The following SUMF1 variants were observed in gnomAD, a reference collection of about 807,000 sequenced individuals.
The protein encoded by SUMF1 is sulfatase modifying factor 1, also known as formylglycine-generating enzyme.
Under a neutral mutation model 47.6 loss-of-function variants are expected in SUMF1, and 48 were observed. That is an observed-to-expected ratio of 1.01 (90% CI 0.80 to 1.28). The LOEUF (loss-of-function observed/expected upper bound fraction) is 1.28, where lower values mean the gene tolerates loss of function less well. Ranked by LOEUF, SUMF1 falls within the 50% of genes most tolerant of loss-of-function variation. The pLI is 0.00. For synonymous variants in SUMF1, 230 were observed against 192.1 expected (o/e 1.20, Z -1.63); for missense variants, 571 against 485.4 (o/e 1.18, Z -1.66).
intron 8 of SUMF1, among the ~76,000 whole-genome samples, chr3:4,368,719 C>T (rs1700069131): frequency 6.6e-6 from 1 of 152,192 alleles, no homozygotes; most frequent in Non-Finnish European, 1.5e-5. Context: ...CTTGCATAAA[C>T]ATAAGAGAGC....
intron 8 of SUMF1, among the ~76,000 whole-genome samples, chr3:4,240,999 G>A (rs1696525179): frequency 2.0e-5 from 3 of 152,014 alleles, no homozygotes; most frequent in Admixed American, 1.3e-4. Context: ...TTATGAAGTA[G>A]ATTTTGGCAC....
At chr3:4,247,954 T>A (rs1696706365) in intron 8 of SUMF1, among the ~76,000 whole-genome samples, 1 of 152,216 alleles carries the variant, frequency 6.6e-6, no homozygotes. Flanking sequence ...AAAATGGGAA[T>A]TGTTTTCAAA....
At chr3:4,465,612 A>G (rs1336937176) in intron 1 of SUMF1, among the ~76,000 whole-genome samples, 1 of 152,158 alleles carries the variant, frequency 6.6e-6, no homozygotes, top group African/African-American at 2.4e-5. Context: ...ACAAAAGATA[A>G]ACAGTACTGC....
At chr3:4,117,006 A>G (rs948102250) in intron 8 of SUMF1, among the ~76,000 whole-genome samples, 2 of 152,160 alleles carry the variant, frequency 1.3e-5, no homozygotes, top group African/African-American at 4.8e-5. Flanking sequence ...ATAGTTATAC[A>G]TGGAAAAATC....
chr3:4,097,990 G>C (rs1574879966), intron 8 of SUMF1, among the ~76,000 whole-genome samples: 1 of 152,198 alleles, frequency 6.6e-6, no homozygotes, highest in East Asian at 1.9e-4. Flanking sequence ...AGAAACAATG[G>C]CCATGATTTT....
intron 8 of SUMF1, among the ~76,000 whole-genome samples, chr3:4,321,708 T>A (rs1378317931): frequency 6.6e-6 from 1 of 152,126 alleles, no homozygotes; most frequent in Non-Finnish European, 1.5e-5. Context: ...TAACTTTGCA[T>A]AAGAATTCTA....
chr3:4,145,400 C>T (rs918651847), intron 8 of SUMF1, among the ~76,000 whole-genome samples: 4 of 152,034 alleles, frequency 2.6e-5, no homozygotes, highest in African/African-American at 9.7e-5. Context: ...GACCCCATTA[C>T]TTTGTGGGAA....
rs139329410 is a variant in SUMF1, at chr3:4,068,567, A to G, written c.1191+2T>C. On this transcript the variant is annotated splice_donor_variant and NMD_transcript_variant, in intron 9 of 12. Coordinates refer to the SUMF1 transcript ENST00000448413. ...AAAATTCAGTGTGTATTTTGTACTT[A>G]CAGCACATCTCAATTCAAACTTGCC... 7.4e-5 allele frequency: 26 copies of G among 353,040 alleles called. No individual in the cohort carries two copies. In the East Asian group the frequency reaches 1.9e-3, roughly 25 times the overall value. The allele number at this position is 353,040 out of a possible 1,614,324, so 21.9% of individuals were successfully genotyped here. A position where few individuals can be genotyped will look rare whatever the true frequency, so the allele number is the denominator to read the frequency against.
At chr3:4,079,193 C>A (rs1029665254) in intron 8 of SUMF1, among the ~76,000 whole-genome samples, 1 of 152,214 alleles carries the variant, frequency 6.6e-6, no homozygotes, top group East Asian at 1.9e-4. Flanking sequence ...GCTCAGCCAG[C>A]CAAAATACCC....
chr3:4,410,635 A>G (rs936891926), intron 7 of SUMF1, among the ~76,000 whole-genome samples: 2 of 152,240 alleles, frequency 1.3e-5, no homozygotes, highest in Admixed American at 6.5e-5. Flanking sequence ...ATTTCCTCAA[A>G]TAGTTATCAC....
At position 4,467,253 on chromosome 3, in the gene SUMF1, C is replaced by T. The variant is rs757338533; in HGVS notation, c.-8G>A. 22 of 1,606,034 alleles carry T rather than the reference C, an allele frequency of 1.4e-5. No individual in the cohort carries two copies. In the South Asian group the frequency reaches 1.7e-4, roughly 12 times the overall value. ...TAGTGCGGGCGCAGCCATGTTGTCC[C>T]GCGGGCCATGTGACCCGGTTGGTCA... On this transcript the variant is annotated 5_prime_UTR_variant, in exon 1 of 9. Coordinates refer to ENST00000272902, the MANE Select transcript of SUMF1 (RefSeq NM_182760.4).
chr3:4,361,967 T>C lies in SUMF1; in HGVS notation c.*177A>G, dbSNP rs1275446587. ...AAGATGCACCACACCATAAAGCACA[T>C]GCACTGACCCAGGTCAGCAATTTGG... On this transcript the variant is annotated 3_prime_UTR_variant, in exon 9 of 9. Transcript: ENST00000272902. 6 of 624,486 alleles carry C rather than the reference T, an allele frequency of 9.6e-6. No individual in the cohort carries two copies. In the South Asian group the frequency reaches 1.1e-4, roughly 11 times the overall value. The allele number at this position is 624,486 out of a possible 1,614,324, so 38.7% of individuals were successfully genotyped here. A position where few individuals can be genotyped will look rare whatever the true frequency, so the allele number is the denominator to read the frequency against.
Position 4,094,374 on chromosome 3 carries a change from G to C in SUMF1, c.1015-25629C>G, listed in dbSNP as rs539858192. 1.7e-4 allele frequency among the ~76,000 whole-genome samples: 26 copies of C among 152,100 alleles called. 1 individual carries two copies. The South Asian group carries it at 4.6e-3, about 27-fold the overall frequency. On this transcript the variant is annotated intron_variant and NMD_transcript_variant, in intron 8 of 12. Transcript: ENST00000448413. Reference sequence around the variant, plus strand: ...CCCTCATGAACTTAGAGCTTACTAGGGGAGAAATGGAAGGTACCCAAGCAA... The same window carrying C: ...CCCTCATGAACTTAGAGCTTACTAGCGGAGAAATGGAAGGTACCCAAGCAA...
chr3:4,144,898 G>C (rs992965930), intron 8 of SUMF1, among the ~76,000 whole-genome samples: 1 of 152,068 alleles, frequency 6.6e-6, no homozygotes. Context: ...TACGGTATAA[G>C]GGATCTTAAA....
intron 1 of SUMF1, among the ~76,000 whole-genome samples, chr3:4,459,632 T>C (rs1227487942): frequency 1.3e-5 from 2 of 152,226 alleles, no homozygotes; most frequent in African/African-American, 4.8e-5. Context: ...AATGTATTAC[T>C]ACTATCCCAA....
intron 8 of SUMF1, among the ~76,000 whole-genome samples, chr3:4,243,433 A>G (rs1696590194): frequency 6.6e-6 from 1 of 152,160 alleles, no homozygotes; most frequent in Non-Finnish European, 1.5e-5. Flanking sequence ...ACTGCTTTAA[A>G]TGTGTCCCAG....
intron 1 of SUMF1, among the ~76,000 whole-genome samples, chr3:4,465,397 C>G (rs2079916262): frequency 6.6e-6 from 1 of 151,706 alleles, no homozygotes; most frequent in African/African-American, 2.4e-5. Context: ...GAGAATCATT[C>G]GAACCCAGGA....
At chr3:4,129,414 G>A (rs767359589) in intron 8 of SUMF1, among the ~76,000 whole-genome samples, 1 of 152,024 alleles carries the variant, frequency 6.6e-6, no homozygotes, top group Non-Finnish European at 1.5e-5. Context: ...GAAGCCTACT[G>A]CATTCCTACT....
At chr3:4,417,431 A>C (rs1701750273) in intron 5 of SUMF1, among the ~76,000 whole-genome samples, 189 bp from the exon 6 acceptor site, 1 of 152,218 alleles carries the variant, frequency 6.6e-6, no homozygotes, top group African/African-American at 2.4e-5. Flanking sequence ...TTCTCATGTC[A>C]CGTCCACAAC....
Sources: allele counts gnomAD v4.1 joint callset (sites outside exome capture counted in the v4.1 genomes callset), GRCh38; gene constraint gnomAD v4.1.1; transcripts MANE v1.5; gene names NCBI Gene and HGNC (gene_info 2026-07-23, HGNC 2026-07-21).